Variants in PSMG2 observed in about 807,000 individuals in gnomAD.
The protein encoded by PSMG2 is proteasome assembly chaperone 2.
PSMG2 carries 21 observed loss-of-function variants against 31.5 expected under a neutral mutation model. That is an observed-to-expected ratio of 0.67 (90% CI 0.47 to 0.96). PSMG2 has a LOEUF of 0.96. Ranked by LOEUF, PSMG2 falls within the 40% of genes least tolerant of loss-of-function variation. PSMG2 has a pLI of 0.00. For missense variants in PSMG2, 318 were observed against 321.2 expected, an observed-to-expected ratio of 0.99 and a Z score of 0.08; for synonymous variants, 120 against 110.4, an observed-to-expected ratio of 1.09 and a Z score of -0.54.
At chr18:12,698,754 A>G (rs2040048362), upstream of PSMG2, 2 of 542,434 alleles carry the variant, frequency 3.7e-6, no homozygotes, top group South Asian at 2.5e-5. Flanking sequence ...TTACTAAAGA[A>G]TCAACAATGA....
At chr18:12,666,937 TTTAAAA>T (rs1353930525) in intron 1 of PSMG2, among the ~76,000 whole-genome samples, 1 of 151,868 alleles carries the variant, frequency 6.6e-6, no homozygotes, top group Non-Finnish European at 1.5e-5. Context: ...TCATAATGAG[TTTAAAA>T]TTAAAAATTC....
At chr18:12,684,815 A>G (rs2039481144) in intron 1 of PSMG2, 1 of 151,980 alleles carries the variant, frequency 6.6e-6, no homozygotes, top group South Asian at 2.1e-4. Context: ...TTATCATACT[A>G]TCAACATTTT....
intron 3 of PSMG2, among the ~76,000 whole-genome samples, chr18:12,713,089 C>G (rs2040346562): frequency 1.3e-5 from 2 of 152,144 alleles, no homozygotes; most frequent in Admixed American, 6.6e-5. Context: ...ATGTATATAT[C>G]AAATTATGTA....
rs1030393058 is a variant in PSMG2 at position 12,683,197 on chromosome 18, A to C, written c.-36-23353A>C. ...TCTACTAAAAATACCAAAAAAAAAA[A>C]AAAAAAAGCCAGGCATGGTGGCTCC... On this transcript the variant is annotated intron_variant, in intron 1 of 6. Transcript: ENST00000585331. 1.1e-3 allele frequency among the ~76,000 whole-genome samples: 164 copies of C among 147,528 alleles called. 1 individual carries two copies. The highest frequency in any genetic ancestry group is 4.0e-3 in the African/African-American group (162 of 40,588).
At chr18:12,701,596 C>A (rs1195981840), upstream of PSMG2, among the ~76,000 whole-genome samples, 1 of 152,132 alleles carries the variant, frequency 6.6e-6, no homozygotes, top group Non-Finnish European at 1.5e-5. Flanking sequence ...ATTAAAGATA[C>A]TAGACAGCAC....
In PSMG2 at chr18:12,706,406, C is replaced by G. The variant is rs2040268765; in HGVS notation, c.58-144C>G. ...GGAGGCTGAGGCAGGAGAATTGCTT[C>G]AAGCCAGGAGGCAGAGGCTGCAGTG... On this transcript the variant is annotated intron_variant, in intron 1 of 6. Transcript: ENST00000317615. 1.2e-5 allele frequency: 9 copies of G among 758,906 alleles called. No homozygotes were observed. In the South Asian group the frequency reaches 1.6e-4, roughly 13 times the overall value. The allele number at this position is 758,906 out of a possible 1,614,324, so 47.0% of individuals were successfully genotyped here.
chr18:12,688,916 C>T (rs1056777279), intron 1 of PSMG2, among the ~76,000 whole-genome samples: 2 of 152,018 alleles, frequency 1.3e-5, no homozygotes, highest in African/African-American at 4.8e-5. Flanking sequence ...AGATCGAGAC[C>T]ATCCTGGCTA....
At chr18:12,699,406 C>T (rs992728437), upstream of PSMG2, among the ~76,000 whole-genome samples, 1 of 152,116 alleles carries the variant, frequency 6.6e-6, no homozygotes, top group African/African-American at 2.4e-5. Flanking sequence ...ATATTCTTTT[C>T]TGAGTTTACA....
intron 2 of PSMG2, among the ~76,000 whole-genome samples, chr18:12,711,196 TG>T (rs201327105): frequency 0.021 from 3,120 of 152,086 alleles, 118 homozygotes; most frequent in African/African-American, 0.071. Context: ...CACTTGAACC[TG>T]GGAGGCAGAA....
intron 1 of PSMG2, among the ~76,000 whole-genome samples, chr18:12,681,165 T>A (rs1429812268): frequency 6.7e-6 from 1 of 149,080 alleles, no homozygotes; most frequent in Non-Finnish European, 1.5e-5. Flanking sequence ...GCCACTGCAT[T>A]CCAGCCTCAG....
chr18:12,680,936 C>T (rs1261743320), intron 1 of PSMG2: 26 of 1,022,166 alleles, frequency 2.5e-5, no homozygotes, highest in Non-Finnish European at 3.6e-5. Flanking sequence ...CAGTGGCTCA[C>T]GCCTGTAATC....
At position 12,659,949 on chromosome 18, in the gene PSMG2, T is replaced by C. The variant is rs377030059; in HGVS notation, c.-37+1176T>C. Among the ~76,000 whole-genome samples the C allele has an allele frequency of 3.3e-5, 5 of 152,204 alleles. No homozygotes were observed. The East Asian group carries it at 9.6e-4, about 29-fold the overall frequency. On this transcript the variant is annotated intron_variant, in intron 1 of 6. Coordinates refer to the PSMG2 transcript ENST00000585331. ...ATTTTGCTATTTCAAAAGTTTATCC[T>C]GTGTGGATTTTGCAAATACAGACTG...
At chr18:12,666,534 G>A (rs971792214) in intron 1 of PSMG2, among the ~76,000 whole-genome samples, 3 of 144,422 alleles carry the variant, frequency 2.1e-5, no homozygotes, top group African/African-American at 5.1e-5. Context: ...CTAACGTCCC[G>A]CCTCAATTGA....
At chr18:12,675,256 C>T (rs550033053) in intron 1 of PSMG2, among the ~76,000 whole-genome samples, 1 of 151,878 alleles carries the variant, frequency 6.6e-6, no homozygotes, top group East Asian at 1.9e-4. Context: ...ATGAGTTGGG[C>T]GTGGTGGCGG....
At chr18:12,676,380 C>T (rs1190158106) in intron 1 of PSMG2, among the ~76,000 whole-genome samples, 3 of 149,476 alleles carry the variant, frequency 2.0e-5, no homozygotes, top group Non-Finnish European at 4.4e-5. Context: ...GCCTCCCCGG[C>T]TCCTTTCACC....
At chr18:12,675,124 C>CG (rs1292208664) in intron 1 of PSMG2, among the ~76,000 whole-genome samples, 2 of 152,018 alleles carry the variant, frequency 1.3e-5, no homozygotes, top group South Asian at 2.1e-4. Context: ...AGGCCGGGTG[C>CG]GGTGGCTCAC....
At chr18:12,722,642 G>GA (rs1188698386) in intron 5 of PSMG2, among the ~76,000 whole-genome samples, 10 of 152,144 alleles carry the variant, frequency 6.6e-5, no homozygotes, top group African/African-American at 2.4e-4. Flanking sequence ...AAACATTCAG[G>GA]AAATGCGGAT....
At chr18:12,662,652 C>T (rs34120824) in intron 1 of PSMG2, among the ~76,000 whole-genome samples, 36,103 of 152,102 alleles carry the variant, frequency 0.24, 4,976 homozygotes, top group Non-Finnish European at 0.32. Context: ...TGGTGCACAC[C>T]TATAATCCCA....
intron 1 of PSMG2, chr18:12,665,204 G>T (rs1218901971): frequency 1.3e-5 from 2 of 152,080 alleles, no homozygotes; most frequent in African/African-American, 4.8e-5. Flanking sequence ...AATGAATTCA[G>T]CACATTCCAG....
Sources: gnomAD v4.1 joint callset for allele counts (sites outside exome capture counted in the v4.1 genomes callset) on GRCh38, gnomAD v4.1.1 for gene constraint, MANE v1.5 for transcripts, NCBI Gene and HGNC (gene_info 2026-07-23, HGNC 2026-07-21) for gene names.